The following NBDY variants were observed in gnomAD, a reference collection of about 807,000 sequenced individuals.
The protein encoded by NBDY is P-body dissociating protein.
At chrX:56,781,144 C>A (rs989632220) in intron 2 of NBDY, among the ~76,000 whole-genome samples, 2 of 111,330 alleles carry the variant, frequency 1.8e-5, no homozygotes, top group Non-Finnish European at 3.8e-5. Flanking sequence ...ACATCAATCA[C>A]GTCTGAACTA....
intron 2 of NBDY, among the ~76,000 whole-genome samples, chrX:56,750,577 C>T (rs1358574986): frequency 1.8e-5 from 2 of 111,396 alleles, no homozygotes; most frequent in Non-Finnish European, 3.8e-5. Context: ...ATTGCCTTAT[C>T]ACCTTAGACT....
intron 2 of NBDY, among the ~76,000 whole-genome samples, chrX:56,738,052 G>A (rs995161883): frequency 3.8e-4 from 42 of 111,525 alleles, no homozygotes; most frequent in African/African-American, 1.2e-3. Context: ...CATAATCTAC[G>A]CCATATTCCA....
At chrX:56,807,573 A>G (rs1411874620) in intron 2 of NBDY, among the ~76,000 whole-genome samples, 1 of 111,239 alleles carries the variant, frequency 9.0e-6, no homozygotes, top group Non-Finnish European at 1.9e-5. Context: ...TTCTCTTTGT[A>G]GTAATTGTGA....
At chrX:56,791,204 G>A (rs2069760833) in intron 2 of NBDY, among the ~76,000 whole-genome samples, 1 of 112,123 alleles carries the variant, frequency 8.9e-6, no homozygotes. Context: ...GTTTGGCAAG[G>A]TCAGGAGCAG....
intron 2 of NBDY, among the ~76,000 whole-genome samples, chrX:56,734,996 A>G (rs752689562): frequency 8.9e-6 from 1 of 112,037 alleles, no homozygotes; most frequent in African/African-American, 3.2e-5. Context: ...ACAGTGAGCA[A>G]ATAGATTCAG....
At chrX:56,749,398 A>G (rs1293983195) in intron 2 of NBDY, among the ~76,000 whole-genome samples, 2 of 111,311 alleles carry the variant, frequency 1.8e-5, no homozygotes, top group Non-Finnish European at 3.8e-5. Context: ...TTTAATACAC[A>G]CTAACTTTTC....
At chrX:56,805,046 A>G (rs887456988) in intron 2 of NBDY, among the ~76,000 whole-genome samples, 3 of 112,458 alleles carry the variant, frequency 2.7e-5, no homozygotes, top group African/African-American at 9.7e-5. Flanking sequence ...TCCCACACTC[A>G]GAGGGGTATG....
intron 2 of NBDY, among the ~76,000 whole-genome samples, chrX:56,763,362 G>C (rs2069648240): frequency 8.9e-6 from 1 of 112,065 alleles, no homozygotes; most frequent in African/African-American, 3.2e-5. Context: ...CCTGAGCAGA[G>C]TCAGACTTGA....
chrX:56,814,496 T>A (rs1226527460), intron 2 of NBDY, among the ~76,000 whole-genome samples: 1 of 109,725 alleles, frequency 9.1e-6, no homozygotes, highest in African/African-American at 3.3e-5. Context: ...GAACCACATT[T>A]TTTTTTTTTT....
chrX:56,811,822 G>A (rs781136507), intron 2 of NBDY, among the ~76,000 whole-genome samples: 7 of 111,796 alleles, frequency 6.3e-5, no homozygotes, highest in Non-Finnish European at 1.3e-4. Context: ...AACAACTTTT[G>A]TGGCTAGCTT....
chrX:56,738,664 T>C (rs908199296), intron 2 of NBDY, among the ~76,000 whole-genome samples: 3 of 111,794 alleles, frequency 2.7e-5, no homozygotes, highest in African/African-American at 9.8e-5. Flanking sequence ...GATGAAGAGA[T>C]ACATAGAGTG....
At chrX:56,757,580 C>T (rs575849892) in intron 2 of NBDY, among the ~76,000 whole-genome samples, 1 of 111,620 alleles carries the variant, frequency 9.0e-6, no homozygotes, top group Non-Finnish European at 1.9e-5. Flanking sequence ...GGGCTCCCCC[C>T]ACTTGACCAC....
intron 2 of NBDY, among the ~76,000 whole-genome samples, chrX:56,802,732 A>T (rs192944474): frequency 1.1e-4 from 12 of 112,775 alleles, no homozygotes; most frequent in Non-Finnish European, 1.9e-4. Context: ...AGTGGCCATG[A>T]TTATGTATCA....
At chrX:56,805,206 A>C (rs1420622954) in intron 2 of NBDY, among the ~76,000 whole-genome samples, 1 of 112,643 alleles carries the variant, frequency 8.9e-6, no homozygotes, top group East Asian at 2.8e-4. Flanking sequence ...AGTAATCACC[A>C]TGGGGGCACC....
intron 2 of NBDY, 61 bp downstream of exon 2, chrX:56,732,260 A>G (rs192647563): frequency 8.8e-4 from 253 of 289,021 alleles, no homozygotes; most frequent in African/African-American, 6.2e-3. Context: ...TGGTTTTGAC[A>G]CATTAAAAAG....
At chrX:56,781,337 C>T (rs2146727442) in intron 2 of NBDY, among the ~76,000 whole-genome samples, 1 of 112,102 alleles carries the variant, frequency 8.9e-6, no homozygotes, top group South Asian at 3.8e-4. Flanking sequence ...TGCTTTCTCT[C>T]TGCCTTCCCA....
chrX:56,803,310 C>T (rs1011671591), intron 2 of NBDY, among the ~76,000 whole-genome samples: 1 of 111,840 alleles, frequency 8.9e-6, no homozygotes, highest in Non-Finnish European at 1.9e-5. Flanking sequence ...TCGTCCCGCC[C>T]ACAGCACCCC....
chrX:56,752,219 C>T (rs146943669), intron 2 of NBDY, among the ~76,000 whole-genome samples: 330 of 112,219 alleles, frequency 2.9e-3, no homozygotes, highest in African/African-American at 0.01. Context: ...GTTATGTATA[C>T]AGTAATGGGA....
Position 56,792,965 on chromosome X carries a change from G to T in NBDY, c.*167-24355G>T, listed in dbSNP as rs371778089. Among the ~76,000 whole-genome samples, 70 of 111,868 alleles carry T rather than the reference G, an allele frequency of 6.3e-4. 6 individuals carry two copies. The East Asian group carries it at 9.6e-3, about 15-fold the overall frequency. On this transcript the variant is annotated intron_variant, in intron 2 of 2. Coordinates refer to ENST00000374922, the MANE Select transcript of NBDY (RefSeq NM_001348129.2). Reference sequence around the variant, plus strand: ...TCCCCTCAGGAGCCTTGTCCCTATGGGATGCCATGAGAATCTGTGGCACGT... The same window carrying T: ...TCCCCTCAGGAGCCTTGTCCCTATGTGATGCCATGAGAATCTGTGGCACGT...
Sources: allele counts gnomAD v4.1 joint callset (sites outside exome capture counted in the v4.1 genomes callset), GRCh38; gene constraint gnomAD v4.1.1; transcripts MANE v1.5; gene names NCBI Gene and HGNC (gene_info 2026-07-23, HGNC 2026-07-21).